The following PHYKPL variants were observed in gnomAD, a reference collection of about 807,000 sequenced individuals.
PHYKPL encodes 5-phosphohydroxy-L-lysine phospho-lyase, also known as 5-phosphonooxy-L-lysine phospho-lyase.
A neutral mutation model predicts 51.3 loss-of-function variants in PHYKPL; 42 were observed. The ratio of observed to expected loss-of-function variants is 0.82; its 90% CI spans 0.64 to 1.06. PHYKPL has a LOEUF of 1.06. Ranked by LOEUF, PHYKPL falls within the 50% of genes least tolerant of loss-of-function variation. The pLI, the probability that PHYKPL is intolerant of heterozygous loss-of-function variation, is 0.00. For missense variants in PHYKPL, 655 were observed against 586.6 expected (o/e 1.12, Z -1.20); for synonymous variants, 264 against 236.0 (o/e 1.12, Z -1.09).
rs1008871470 is a variant in PHYKPL, at chr5:178,210,903, G to A, written c.*31+987C>T. On this transcript the variant is annotated intron_variant, in intron 12 of 12. Coordinates refer to ENST00000308158, the MANE Select transcript of PHYKPL (RefSeq NM_153373.4). ...GTGGGAGGCTCTGCTTCCTGCTGCCGCTCTGCAGCCTGGACCTGTGGACCC... is the reference window on the plus strand; with the variant it reads ...GTGGGAGGCTCTGCTTCCTGCTGCCACTCTGCAGCCTGGACCTGTGGACCC... 45 of 497,848 alleles carry A rather than the reference G, an allele frequency of 9.0e-5. No individual in the cohort carries two copies. The Admixed American group carries it at 9.4e-4, about 10-fold the overall frequency. 30.8% of individuals were successfully genotyped at this position (497,848 alleles called of 1,614,324 possible).
At chr5:178,207,691 CTTTTTTTTTTTTTTT>C (rs34424574), downstream of PHYKPL, among the ~76,000 whole-genome samples, 2 of 78,776 alleles carry the variant, frequency 2.5e-5, no homozygotes, top group Non-Finnish European at 4.5e-5. Context: ...ACTTTGAGCA[CTTTTTTTTTTTTTTT>C]TTTTTTTTTG....
intron 12 of PHYKPL, chr5:178,210,708 G>GCAAACTTTCTATTGC (rs1277267022): frequency 5.6e-6 from 6 of 1,079,144 alleles, no homozygotes; most frequent in Non-Finnish European, 8.5e-6. Flanking sequence ...ATTTAACTTG[G>GCAAACTTTCTATTGC]CAAACTTTCT....
Position 178,225,345 on chromosome 5 carries a change from T to G in PHYKPL, c.413+10A>C, listed in dbSNP as rs757758239. ...CTTCTGGGAACGGTAGGGCTGTGAG[T>G]TGCACTTACTGATCTAATACCACCA... On this transcript the variant is annotated intron_variant, in intron 4 of 12. Transcript: ENST00000308158. 2 of 1,614,056 alleles carry G rather than the reference T, an allele frequency of 1.2e-6. No homozygotes were observed. The highest frequency in any genetic ancestry group is 3.3e-5 in the Admixed American group (2 of 60,002).
chr5:178,210,715 TTC>T, intron 12 of PHYKPL: 4 of 939,542 alleles, frequency 4.3e-6, no homozygotes, highest in Non-Finnish European at 6.9e-6. Context: ...TTGGCAAACT[TTC>T]TATTGCCTGT....
intron 10 of PHYKPL, 152 bp from the exon 11 acceptor site, chr5:178,213,255 C>A: frequency 9.4e-7 from 1 of 1,066,414 alleles, no homozygotes; most frequent in Non-Finnish European, 1.3e-6. Flanking sequence ...TCCCAGAGTC[C>A]TGTGCATCTG....
intron 3 of PHYKPL, 150 bp downstream of exon 3, chr5:178,229,790 G>A: frequency 1.1e-6 from 1 of 892,714 alleles, no homozygotes; most frequent in East Asian, 2.6e-5. Context: ...AAGCATCAGG[G>A]CCTACAGCCG....
At chr5:178,210,645 C>T in intron 12 of PHYKPL, 2 of 1,583,972 alleles carry the variant, frequency 1.3e-6, no homozygotes, top group Non-Finnish European at 1.7e-6. Flanking sequence ...GAGCGACCAA[C>T]TGATCGCACA....
intron 12 of PHYKPL, chr5:178,209,982 C>T: frequency 2.0e-6 from 2 of 1,013,754 alleles, no homozygotes; most frequent in Non-Finnish European, 2.7e-6. Flanking sequence ...GGGTTGGGCC[C>T]AGGGCCCTTA....
chr5:178,211,813 G>C, intron 12 of PHYKPL, 77 bp downstream of exon 12: 1 of 1,048,728 alleles, frequency 9.5e-7, no homozygotes, highest in Non-Finnish European at 1.4e-6. Flanking sequence ...AAAAGGCTCA[G>C]CTTGCCGAGG....
intron 3 of PHYKPL, among the ~76,000 whole-genome samples, chr5:178,226,919 T>TTA (rs920814307): frequency 3.3e-5 from 5 of 151,732 alleles, no homozygotes; most frequent in East Asian, 3.9e-4. Context: ...GTCTGTGTAT[T>TTA]TATATATATA....
chr5:178,210,879 TGGGA>T, intron 12 of PHYKPL: 1 of 542,878 alleles, frequency 1.8e-6, no homozygotes, highest in Non-Finnish European at 3.3e-6. Flanking sequence ...CAGAAGCAGG[TGGGA>T]GGCTCTGCTT....
In PHYKPL at chr5:178,232,535, G is replaced by A; in HGVS notation, c.16C>T (p.Arg6Cys). Reference sequence around the variant, plus strand: ...AGGGCCAGCGTGTCGGCCTTCGGGCGCTGGTCTGCGGCCATGGTGGGTGGC... The same window carrying A: ...AGGGCCAGCGTGTCGGCCTTCGGGCACTGGTCTGCGGCCATGGTGGGTGGC... MAADQRPKADTLALRQ... is the reference protein window; with the variant it reads MAADQCPKADTLALRQ... Residue 6 changes from arginine to cysteine, a missense_variant, in exon 1 of 13, where the codon CGC (arginine) becomes TGC (cysteine). Coordinates refer to ENST00000308158, the MANE Select transcript of PHYKPL (RefSeq NM_153373.4). The A allele has an allele frequency of 7.6e-7, 1 of 1,321,770 alleles. No homozygotes were observed. Among genetic ancestry groups the A allele is most frequent in the Non-Finnish European group, 9.6e-7 (1 of 1,042,844 alleles). The allele number at this position is 1,321,770 out of a possible 1,614,324, so 81.9% of individuals were successfully genotyped here.
chr5:178,231,950 T>C (rs994775032), intron 1 of PHYKPL: 3 of 1,245,052 alleles, frequency 2.4e-6, no homozygotes, highest in Non-Finnish European at 3.1e-6. Context: ...GTGGCCCTGC[T>C]GCCCCTCGCT....
At chr5:178,212,931 C>G in intron 11 of PHYKPL, 42 bp downstream of exon 11, 1 of 1,607,220 alleles carries the variant, frequency 6.2e-7, no homozygotes, top group South Asian at 1.1e-5. Flanking sequence ...TGGCTTCAGG[C>G]TGAGTTCTAG....
intron 12 of PHYKPL, chr5:178,210,890 G>C (rs1321174887): frequency 1.9e-6 from 1 of 514,376 alleles, no homozygotes; most frequent in Non-Finnish European, 3.5e-6. Flanking sequence ...GGGAGGCTCT[G>C]CTTCCTGCTG....
At chr5:178,231,565 C>T (rs974580232) in intron 1 of PHYKPL, 42 bp from the exon 2 acceptor site, 6 of 1,613,668 alleles carry the variant, frequency 3.7e-6, no homozygotes, top group Admixed American at 3.3e-5. Flanking sequence ...GTCTGAAGAC[C>T]GAAAGGGTGA....
At chr5:178,227,026 G>A (rs1193527244) in intron 3 of PHYKPL, among the ~76,000 whole-genome samples, 1 of 152,152 alleles carries the variant, frequency 6.6e-6, no homozygotes, top group Non-Finnish European at 1.5e-5. Flanking sequence ...TGCCCTGGGA[G>A]AGCGAGCCAG....
chr5:178,222,685 T>TG, intron 7 of PHYKPL, 105 bp from the exon 8 acceptor site: 2 of 1,372,688 alleles, frequency 1.5e-6, no homozygotes, highest in Non-Finnish European at 1.0e-6. Context: ...AGCAGTAAGG[T>TG]GGGGACCTTG....
At chr5:178,213,198 A>G (rs1759005114) in intron 10 of PHYKPL, 95 bp from the exon 11 acceptor site, 1 of 1,519,930 alleles carries the variant, frequency 6.6e-7, no homozygotes, top group Non-Finnish European at 8.9e-7. Context: ...CTGTCCTCAG[A>G]GCCTTCCATG....
Sources: allele counts gnomAD v4.1 joint callset (sites outside exome capture counted in the v4.1 genomes callset), GRCh38; gene constraint gnomAD v4.1.1; transcripts MANE v1.5; gene names NCBI Gene and HGNC (gene_info 2026-07-23, HGNC 2026-07-21).